Variants in SLIT3 observed in about 807,000 individuals in gnomAD.
The protein encoded by SLIT3 is slit homolog 3 protein.
In SLIT3, 68 loss-of-function variants were observed where a neutral mutation model predicts 184.0. The ratio of observed to expected loss-of-function variants is 0.37; its 90% CI spans 0.30 to 0.45. SLIT3 has a LOEUF of 0.45. SLIT3 is among the 20% of genes least tolerant of loss of function. The probability of loss-of-function intolerance (pLI) is 1.00; values close to 1 mark genes in which losing one functional copy is unlikely to be tolerated. For synonymous variants in SLIT3, 831 were observed against 828.6 expected (o/e 1.00, Z -0.05); for missense variants, 1,707 against 2,026.0 (o/e 0.84, Z 3.02).
At chr5:169,221,728 T>G (rs1422752269) in intron 3 of SLIT3, among the ~76,000 whole-genome samples, 1 of 152,196 alleles carries the variant, frequency 6.6e-6, no homozygotes, top group Non-Finnish European at 1.5e-5. Context: ...CAGTTCCTAG[T>G]GCTGTGTCTG....
intron 15 of SLIT3, among the ~76,000 whole-genome samples, chr5:168,761,910 A>T (rs979184535): frequency 1.7e-5 from 2 of 119,476 alleles, no homozygotes; most frequent in Middle Eastern, 4.0e-3. Flanking sequence ...CCCAGCTAAT[A>T]AAAAAAAAAA....
chr5:168,762,510 T>C (rs777207395), intron 15 of SLIT3, 29 bp downstream of exon 15: 9 of 1,602,464 alleles, frequency 5.6e-6, no homozygotes, highest in South Asian at 5.5e-5. Context: ...TGGGGAGGAG[T>C]AGGGAGTTCA....
intron 10 of SLIT3, among the ~76,000 whole-genome samples, chr5:168,792,546 G>A (rs1268375658): frequency 2.6e-5 from 4 of 152,190 alleles, no homozygotes; most frequent in African/African-American, 9.7e-5. Context: ...CAGAATAGAG[G>A]TGGCAAATTC....
At chr5:168,939,166 C>T (rs183264109) in intron 4 of SLIT3, among the ~76,000 whole-genome samples, 209 of 152,324 alleles carry the variant, frequency 1.4e-3, no homozygotes, top group Non-Finnish European at 2.6e-3. Flanking sequence ...AGGTCAAATA[C>T]AAACCCCCTG....
Position 168,760,934 on chromosome 5 carries a change from C to T in SLIT3, c.1613G>A (p.Arg538Gln), listed in dbSNP as rs769153202. The stretch of plus-strand genomic sequence containing the variant: ...AACAGATACCTCATTGTCATTCAGT[C>T]GCCTGTGTAGGAAGCAAGATGAGTG... ...SHLPEYVTDL[R>Q]LNDNEVSVLE... Residue 538 changes from arginine to glutamine, a missense_variant and splice_region_variant, in exon 16 of 36, where the codon CGA (arginine) becomes CAA (glutamine). This residue lies in a region of SLIT3 where 1,307 missense variants were observed against 1,511.6 expected (regional missense o/e 0.86). Transcript: ENST00000519560. 4.3e-6 allele frequency: 7 copies of T among 1,613,274 alleles called. No individual in the cohort carries two copies. Among genetic ancestry groups the T allele is most frequent in the Admixed American group, 1.7e-5 (1 of 59,980 alleles).
rs139766508 is a variant in SLIT3, at chr5:169,244,219, G to A, written c.341+486C>T. 1.5e-3 allele frequency among the ~76,000 whole-genome samples: 227 copies of A among 152,346 alleles called. 3 individuals are homozygous for A. The East Asian group carries it at 0.036, about 24-fold the overall frequency. Reference sequence around the variant, plus strand: ...ATGCTCACTCACAGGAGATACAAGCGCGCTGAAGGCTGCGCCCACTCACCA... The same window carrying A: ...ATGCTCACTCACAGGAGATACAAGCACGCTGAAGGCTGCGCCCACTCACCA... On this transcript the variant is annotated intron_variant, in intron 3 of 35. Coordinates refer to ENST00000519560, the MANE Select transcript of SLIT3 (RefSeq NM_003062.4).
intron 4 of SLIT3, among the ~76,000 whole-genome samples, chr5:169,124,887 A>G (rs573425560): frequency 1.3e-4 from 20 of 152,288 alleles, no homozygotes; most frequent in Non-Finnish European, 2.8e-4. Flanking sequence ...GAGCTAACAT[A>G]TATTTCAAGC....
At chr5:168,800,620 G>A (rs1756734382) in intron 9 of SLIT3, among the ~76,000 whole-genome samples, 1 of 152,104 alleles carries the variant, frequency 6.6e-6, no homozygotes, top group Non-Finnish European at 1.5e-5. Context: ...AAGGTAAAGT[G>A]TATTAGACTC....
intron 4 of SLIT3, among the ~76,000 whole-genome samples, chr5:169,159,129 A>G (rs1762396992): frequency 6.6e-6 from 1 of 152,160 alleles, no homozygotes; most frequent in Non-Finnish European, 1.5e-5. Context: ...TCATGCCTGT[A>G]ATCCCAGCGT....
At chr5:168,826,732 G>A (rs80330475) in intron 6 of SLIT3, among the ~76,000 whole-genome samples, 2,715 of 152,204 alleles carry the variant, frequency 0.018, 48 homozygotes, top group South Asian at 0.04. Flanking sequence ...TATGCCAGAC[G>A]GGCTCTGAGC....
intron 1 of SLIT3, among the ~76,000 whole-genome samples, chr5:169,254,773 C>G (rs942269494): frequency 3.3e-5 from 5 of 152,150 alleles, no homozygotes; most frequent in African/African-American, 1.2e-4. Flanking sequence ...AGATGCCAGC[C>G]CTGGCTTGAG....
At chr5:169,044,808 C>G (rs1161108543) in intron 4 of SLIT3, among the ~76,000 whole-genome samples, 1 of 152,186 alleles carries the variant, frequency 6.6e-6, no homozygotes, top group Non-Finnish European at 1.5e-5. Flanking sequence ...GAGAATGTCT[C>G]TAAACAGTGG....
At chr5:169,292,183 C>G (rs1208122239) in intron 1 of SLIT3, among the ~76,000 whole-genome samples, 2 of 152,296 alleles carry the variant, frequency 1.3e-5, no homozygotes, top group Middle Eastern at 6.8e-3. Context: ...GTTTAAAAAC[C>G]TGAAGCTACC....
At position 168,897,644 on chromosome 5, in the gene SLIT3, ACG is replaced by A. The variant is rs1561994226; in HGVS notation, c.414-14310_414-14309del. ...AGAGAAAGAGGATGGAGACAGGTGC[ACG>A]TACACACACACACACACACACACAC... On this transcript the variant is annotated intron_variant, in intron 4 of 35. Coordinates refer to ENST00000519560, the MANE Select transcript of SLIT3 (RefSeq NM_003062.4). 6.4e-5 allele frequency among the ~76,000 whole-genome samples: 8 copies of A among 124,128 alleles called. No homozygotes were observed. The East Asian group carries it at 1.8e-3, about 28-fold the overall frequency. 81.4% of individuals were successfully genotyped at this position (124,128 alleles called of 152,430 possible).
At chr5:168,961,437 G>T (rs1172870667) in intron 4 of SLIT3, among the ~76,000 whole-genome samples, 1 of 152,240 alleles carries the variant, frequency 6.6e-6, no homozygotes, top group Non-Finnish European at 1.5e-5. Flanking sequence ...TGAGCAGGGT[G>T]AGAGTGGGAG....
rs191579051 is a variant in SLIT3 at position 168,989,627 on chromosome 5, C to A, written c.414-106291G>T. On this transcript the variant is annotated intron_variant, in intron 4 of 35. Transcript: ENST00000519560. ...AAATCTGAGTGGTAACCAACATCCA[C>A]CAGAATGGAAAATGCAGGCACAAAC... Among the ~76,000 whole-genome samples the A allele has an allele frequency of 1.2e-3, 186 of 152,250 alleles. 3 individuals carry two copies. The highest frequency in any genetic ancestry group is 4.4e-3 in the African/African-American group (183 of 41,532).
At chr5:168,732,358 A>G (rs2113401617) in intron 20 of SLIT3, among the ~76,000 whole-genome samples, 1 of 152,272 alleles carries the variant, frequency 6.6e-6, no homozygotes, top group African/African-American at 2.4e-5. Flanking sequence ...GGATTTGAAG[A>G]ACTAACGTTG....
At chr5:169,204,252 G>A (rs1487146979) in intron 3 of SLIT3, among the ~76,000 whole-genome samples, 1 of 152,136 alleles carries the variant, frequency 6.6e-6, no homozygotes, top group Non-Finnish European at 1.5e-5. Flanking sequence ...AGAGAAAGAT[G>A]AGGATAACAT....
chr5:168,714,607 G>A (rs1354356578), intron 23 of SLIT3, among the ~76,000 whole-genome samples: 1 of 152,086 alleles, frequency 6.6e-6, no homozygotes, highest in East Asian at 1.9e-4. Context: ...AAAAAACCCT[G>A]CAGAGTAACA....
Sources: allele counts gnomAD v4.1 joint callset (sites outside exome capture counted in the v4.1 genomes callset), GRCh38; gene constraint gnomAD v4.1.1; regional missense constraint gnomAD v4.1.1; transcripts MANE v1.5; gene names NCBI Gene and HGNC (gene_info 2026-07-23, HGNC 2026-07-21).